The following MARCHF1 variants were observed in gnomAD, a reference collection of about 807,000 sequenced individuals.
MARCHF1 encodes the protein membrane associated ring-CH-type finger 1.
In MARCHF1, 40 loss-of-function variants were observed where a neutral mutation model predicts 54.2. The ratio of observed to expected loss-of-function variants is 0.74; its 90% CI spans 0.57 to 0.96. The LOEUF is 0.96. MARCHF1 is among the 40% of genes least tolerant of loss of function. MARCHF1 has a pLI of 0.00. For synonymous variants in MARCHF1, 236 were observed against 236.3 expected (o/e 1.00, Z 0.01); for missense variants, 586 against 656.5 (o/e 0.89, Z 1.17).
chr4:163,573,647 AT>A (rs1314595769), intron 8 of MARCHF1, among the ~76,000 whole-genome samples: 10 of 151,820 alleles, frequency 6.6e-5, no homozygotes, highest in Non-Finnish European at 1.5e-4. Context: ...TGAACTCATC[AT>A]TTTTTATGGC....
At chr4:164,238,700 A>C (rs1450734418) in intron 1 of MARCHF1, among the ~76,000 whole-genome samples, 2 of 151,998 alleles carry the variant, frequency 1.3e-5, no homozygotes, top group Non-Finnish European at 2.9e-5. Context: ...ACAATAGAAG[A>C]AATTATGTTT....
intron 3 of MARCHF1, among the ~76,000 whole-genome samples, chr4:163,977,879 G>A (rs1001018568): frequency 1.3e-5 from 2 of 152,094 alleles, no homozygotes; most frequent in African/African-American, 2.4e-5. Flanking sequence ...GCTTTTCATA[G>A]CATGGGCTGT....
chr4:163,616,948 A>AT (rs1328710718), intron 5 of MARCHF1, among the ~76,000 whole-genome samples: 2 of 152,252 alleles, frequency 1.3e-5, no homozygotes, highest in Non-Finnish European at 1.5e-5. Context: ...CGTCAAAGAG[A>AT]TATGTGAACC....
At chr4:164,237,866 C>G (rs1239401903) in intron 1 of MARCHF1, among the ~76,000 whole-genome samples, 2 of 151,662 alleles carry the variant, frequency 1.3e-5, no homozygotes, top group Non-Finnish European at 2.9e-5. Flanking sequence ...TGGATACAAC[C>G]TACTATCTGT....
chr4:164,244,475 T>G (rs976488720), intron 1 of MARCHF1, among the ~76,000 whole-genome samples: 13 of 147,204 alleles, frequency 8.8e-5, no homozygotes, highest in African/African-American at 3.0e-4. Context: ...GAGGGAAATT[T>G]ATAGCACTAA....
At chr4:163,767,508 G>T (rs919402544) in intron 4 of MARCHF1, among the ~76,000 whole-genome samples, 18 of 151,930 alleles carry the variant, frequency 1.2e-4, no homozygotes, top group Admixed American at 7.9e-4. Flanking sequence ...TACTTTTTTT[G>T]TATTTTTAGT....
chr4:164,379,630 C>A (rs1366295794), intron 1 of MARCHF1, among the ~76,000 whole-genome samples: 1 of 152,106 alleles, frequency 6.6e-6, no homozygotes, highest in Non-Finnish European at 1.5e-5. Flanking sequence ...GAGACAAAGA[C>A]ACATTTACCC....
chr4:163,679,859 C>A (rs984363546), intron 5 of MARCHF1, among the ~76,000 whole-genome samples: 6 of 152,088 alleles, frequency 3.9e-5, no homozygotes, highest in African/African-American at 1.4e-4. Context: ...CTCGGCCTCC[C>A]AAAGTGCTGG....
At chr4:163,608,044 T>G (rs1018562956) in intron 7 of MARCHF1, among the ~76,000 whole-genome samples, 7 of 152,280 alleles carry the variant, frequency 4.6e-5, no homozygotes, top group African/African-American at 1.7e-4. Context: ...AAGTACATTT[T>G]CACTAAAGCT....
At chr4:164,178,437 T>C (rs1730747358) in intron 1 of MARCHF1, among the ~76,000 whole-genome samples, 1 of 152,204 alleles carries the variant, frequency 6.6e-6, no homozygotes, top group Non-Finnish European at 1.5e-5. Context: ...CTGGGCTCTC[T>C]GCAGGAATAT....
chr4:164,381,309 A>G (rs1479571208), intron 1 of MARCHF1, among the ~76,000 whole-genome samples: 1 of 152,194 alleles, frequency 6.6e-6, no homozygotes, highest in African/African-American at 2.4e-5. Context: ...ATTTTACTCC[A>G]TGTGGTTTTA....
At chr4:163,770,558 AC>A (rs1747127772) in intron 4 of MARCHF1, among the ~76,000 whole-genome samples, 1 of 149,918 alleles carries the variant, frequency 6.7e-6, no homozygotes, top group African/African-American at 2.5e-5. Context: ...ACACACACAC[AC>A]ACACAAACAC....
chr4:164,293,272 G>A (rs1734327586), intron 1 of MARCHF1, among the ~76,000 whole-genome samples: 1 of 151,546 alleles, frequency 6.6e-6, no homozygotes, highest in Non-Finnish European at 1.5e-5. Flanking sequence ...GCAACAAATA[G>A]CAGAGTGTCA....
intron 1 of MARCHF1, among the ~76,000 whole-genome samples, chr4:164,349,926 C>T (rs1421082160): frequency 1.3e-5 from 2 of 152,094 alleles, no homozygotes; most frequent in African/African-American, 4.8e-5. Context: ...AAGTCAGAAA[C>T]ATGAAAGCTG....
intron 1 of MARCHF1, among the ~76,000 whole-genome samples, chr4:164,288,101 C>G (rs574759173): frequency 2.0e-5 from 3 of 152,126 alleles, no homozygotes; most frequent in Admixed American, 6.6e-5. Context: ...CAGATTACAT[C>G]CATGATCCAC....
intron 5 of MARCHF1, among the ~76,000 whole-genome samples, chr4:163,685,558 G>A (rs1744241080): frequency 6.6e-6 from 1 of 152,088 alleles, no homozygotes; most frequent in South Asian, 2.1e-4. Context: ...GGGTTGAAGC[G>A]ATTCTCCTGT....
chr4:164,010,590 T>C lies in MARCHF1; in HGVS notation c.-247-21881A>G, dbSNP rs559729093. ...AAATGAAAGACCTATACAAGGTAAA[T>C]TATAAAACATTAATGAAAGAAACTT... On this transcript the variant is annotated intron_variant, in intron 2 of 9. Transcript: ENST00000514618. Among the ~76,000 whole-genome samples, 12 of 152,080 alleles carry C rather than the reference T, an allele frequency of 7.9e-5. No individual in the cohort carries two copies. In the South Asian group the frequency reaches 2.5e-3, roughly 32 times the overall value.
At chr4:164,206,542 G>A (rs1039570933) in intron 1 of MARCHF1, among the ~76,000 whole-genome samples, 2 of 151,906 alleles carry the variant, frequency 1.3e-5, no homozygotes, top group East Asian at 3.8e-4. Context: ...CAAAAAACTT[G>A]TTCATTAAAA....
chr4:164,093,826 A>C (rs1425511650), intron 2 of MARCHF1, among the ~76,000 whole-genome samples: 1 of 152,118 alleles, frequency 6.6e-6, no homozygotes, highest in Admixed American at 6.6e-5. Flanking sequence ...GTGCATCTCC[A>C]GCCCAGAAGA....
Sources: allele counts gnomAD v4.1 joint callset (sites outside exome capture counted in the v4.1 genomes callset), GRCh38; gene constraint gnomAD v4.1.1; transcripts MANE v1.5; gene names NCBI Gene and HGNC (gene_info 2026-07-23, HGNC 2026-07-21).